Variants in ABCC1 observed in about 807,000 individuals in gnomAD.
ABCC1 encodes the protein multidrug resistance-associated protein 1.
A neutral mutation model predicts 172.9 loss-of-function variants in ABCC1; 83 were observed. The ratio of observed to expected loss-of-function variants is 0.48; its 90% CI spans 0.40 to 0.58. The LOEUF (loss-of-function observed/expected upper bound fraction) is 0.58, where lower values mean the gene tolerates loss of function less well. Among genes scored for constraint, ABCC1 ranks in the 20% least tolerant of loss-of-function variants. ABCC1 has a pLI of 0.00. For synonymous variants in ABCC1, 937 were observed against 825.2 expected (o/e 1.14, Z -2.32); for missense variants, 1,817 against 2,002.7 (o/e 0.91, Z 1.77).
intron 10 of ABCC1, among the ~76,000 whole-genome samples, chr16:16,050,326 G>A (rs2049375166): frequency 6.6e-6 from 1 of 152,074 alleles, no homozygotes; most frequent in Admixed American, 6.6e-5. Context: ...AGGCATGGTG[G>A]TGTATGCCTA....
intron 15 of ABCC1, among the ~76,000 whole-genome samples, chr16:16,077,230 G>T (rs1250850962): frequency 6.6e-6 from 1 of 152,158 alleles, no homozygotes; most frequent in African/African-American, 2.4e-5. Context: ...TCATGCCTGG[G>T]TAGCCAAATC....
intron 12 of ABCC1, among the ~76,000 whole-genome samples, chr16:16,062,374 T>C (rs1229361771): frequency 6.6e-6 from 1 of 151,968 alleles, no homozygotes; most frequent in Non-Finnish European, 1.5e-5. Flanking sequence ...AGAGACAGGG[T>C]CTTGTTTTGC....
At chr16:16,087,220 A>C (rs183448189) in intron 18 of ABCC1, among the ~76,000 whole-genome samples, 1 of 152,176 alleles carries the variant, frequency 6.6e-6, no homozygotes, top group Non-Finnish European at 1.5e-5. Context: ...TTGCCTCTCC[A>C]TGGCCAAGGG....
intron 3 of ABCC1, among the ~76,000 whole-genome samples, chr16:16,013,134 T>TA (rs200392427): frequency 0.012 from 1,810 of 152,252 alleles, 44 homozygotes; most frequent in African/African-American, 0.042. Context: ...AGCCTCTCTT[T>TA]ATCTACCTGA....
Position 16,136,546 on chromosome 16 carries a change from A to T in ABCC1, c.4194A>T (p.Glu1398Asp). Residue 1398 changes from glutamate to aspartate, a missense_variant, in exon 29 of 31, where the codon GAA becomes GAT. By Grantham distance (45) the Glu-to-Asp change is conservative. Transcript: ENST00000399410. ...LDPFSQYSDE[E>D]VWTSLELAHL... The stretch of plus-strand genomic sequence containing the variant: ...CATTCAGCCAGTACTCGGATGAAGA[A>T]GTCTGGACGTCCCTGGAGCTGGCCC... 2 of 1,614,200 alleles carry T rather than the reference A, an allele frequency of 1.2e-6. No individual in the cohort carries two copies. The highest frequency in any genetic ancestry group is 1.7e-6 in the Non-Finnish European group (2 of 1,180,028).
At chr16:16,040,364 T>C (rs1441858883) in intron 7 of ABCC1, among the ~76,000 whole-genome samples, 1 of 151,970 alleles carries the variant, frequency 6.6e-6, no homozygotes, top group African/African-American at 2.4e-5. Flanking sequence ...CTTGGCTCAC[T>C]GCAACCTCCA....
chr16:16,136,116 C>T (rs796238979), intron 28 of ABCC1, among the ~76,000 whole-genome samples: 13 of 151,770 alleles, frequency 8.6e-5, no homozygotes, highest in African/African-American at 3.1e-4. Flanking sequence ...TTCCGTCTCC[C>T]GGGTTCAAGT....
chr16:15,972,548 C>T (rs1388340099), intron 1 of ABCC1, among the ~76,000 whole-genome samples: 2 of 152,036 alleles, frequency 1.3e-5, no homozygotes, highest in African/African-American at 4.8e-5. Context: ...GGGATTGCAC[C>T]AGCCTCATGG....
chr16:16,024,776 T>C (rs1029119104), intron 5 of ABCC1, among the ~76,000 whole-genome samples: 43 of 152,192 alleles, frequency 2.8e-4, no homozygotes, highest in African/African-American at 7.5e-4. Context: ...AGAGGATACA[T>C]TGGACATGGG....
intron 1 of ABCC1, among the ~76,000 whole-genome samples, chr16:15,985,119 C>T (rs904688555): frequency 6.6e-6 from 1 of 152,114 alleles, no homozygotes; most frequent in Non-Finnish European, 1.5e-5. Context: ...AAAACAGAGT[C>T]ATATATTTCC....
intron 3 of ABCC1, among the ~76,000 whole-genome samples, chr16:16,011,928 C>T (rs944842054): frequency 3.3e-5 from 5 of 151,998 alleles, no homozygotes; most frequent in African/African-American, 1.2e-4. Flanking sequence ...CTAGGCCCCC[C>T]AAAGTGCTGG....
At chr16:16,139,873 G>A (rs2046066971) in intron 30 of ABCC1, among the ~76,000 whole-genome samples, 1 of 152,160 alleles carries the variant, frequency 6.6e-6, no homozygotes, top group Admixed American at 6.5e-5. Flanking sequence ...GAAGATCTGG[G>A]ACAGCGATCT....
chr16:16,138,384 T>G lies in ABCC1; in HGVS notation c.4313T>G (p.Val1438Gly). Residue 1438 changes from valine (V) to glycine (G), a missense_variant, in exon 30 of 31, where the codon GTG (valine) becomes GGG (glycine). Val to Gly is a moderately radical substitution (Grantham distance 109, BLOSUM62 -3). This residue lies in a region of ABCC1 where 1,412 missense variants were observed against 1,600.3 expected (regional missense o/e 0.88). Coordinates refer to ENST00000399410, the MANE Select transcript of ABCC1 (RefSeq NM_004996.4). ...TCAAGTGTCGGGCAGCGCCAGCTTG[T>G]GTGCCTAGCCCGGGCCCTGCTGAGG... is the stretch of plus-strand genomic sequence containing the variant. Reference protein sequence around the residue: ...ENLSVGQRQLVCLARALLRKT... With the variant: ...ENLSVGQRQLGCLARALLRKT... 1 of 1,593,812 alleles carries G rather than the reference T, an allele frequency of 6.3e-7. No individual in the cohort carries two copies. The highest frequency in any genetic ancestry group is 8.6e-7 in the Non-Finnish European group (1 of 1,163,634).
chr16:16,009,652 G>A (rs2047694317), intron 2 of ABCC1, 124 bp from the exon 3 acceptor site: 1 of 1,052,708 alleles, frequency 9.5e-7, no homozygotes, highest in Non-Finnish European at 1.3e-6. Flanking sequence ...CCATGTCCTA[G>A]GACTGTGGCT....
At chr16:16,127,837 G>A (rs968426604) in intron 26 of ABCC1, among the ~76,000 whole-genome samples, 6 of 151,916 alleles carry the variant, frequency 3.9e-5, no homozygotes, top group African/African-American at 1.2e-4. Context: ...GAGTGCCCCC[G>A]TGAGGAACCA....
chr16:16,132,102 A>G (rs889850365), intron 27 of ABCC1, among the ~76,000 whole-genome samples, 167 bp downstream of exon 27: 11 of 152,186 alleles, frequency 7.2e-5, no homozygotes, highest in South Asian at 2.1e-4. Context: ...AAAGCTGTTC[A>G]GAGCGCATAC....
chr16:16,032,648 A>G (rs1056153738), intron 5 of ABCC1, among the ~76,000 whole-genome samples: 2 of 152,232 alleles, frequency 1.3e-5, no homozygotes, highest in Non-Finnish European at 2.9e-5. Flanking sequence ...TAGATGGTCA[A>G]TAAATATTCA....
intron 5 of ABCC1, among the ~76,000 whole-genome samples, chr16:16,021,436 G>GC (rs2048188502): frequency 6.6e-6 from 1 of 151,998 alleles, no homozygotes; most frequent in Non-Finnish European, 1.5e-5. Flanking sequence ...CTTGTTCAAG[G>GC]CCAGGTGTGG....
Position 15,977,922 on chromosome 16 carries a change from T to TTTC in ABCC1, c.48+28129_48+28131dup, listed in dbSNP as rs146336802. On this transcript the variant is annotated intron_variant, in intron 1 of 30. Coordinates refer to ENST00000399410, the MANE Select transcript of ABCC1 (RefSeq NM_004996.4). The stretch of plus-strand genomic sequence containing the variant: ...TGAGCTAACCTGCCTGTGTTGAAGT[T>TTTC]TTCTTCTTTTTACAGGCTGTACAAC... 4.7e-3 allele frequency among the ~76,000 whole-genome samples: 716 copies of TTTC among 152,296 alleles called. 16 individuals carry two copies. The highest frequency in any genetic ancestry group is 0.016 in the African/African-American group (680 of 41,532).
Sources: gnomAD v4.1 joint callset for allele counts (sites outside exome capture counted in the v4.1 genomes callset) on GRCh38, gnomAD v4.1.1 for gene constraint, gnomAD v4.1.1 regional missense constraint, MANE v1.5 for transcripts, NCBI Gene and HGNC (gene_info 2026-07-23, HGNC 2026-07-21) for gene names.